Variants in FGF14 observed in about 807,000 individuals in gnomAD.
The protein encoded by FGF14 is fibroblast growth factor 14.
In FGF14, 5 loss-of-function variants were observed where a neutral mutation model predicts 25.5. That is an observed-to-expected ratio of 0.20 (90% confidence interval 0.10 to 0.41). The LOEUF is 0.41. Among genes scored for constraint, FGF14 ranks in the 10% least tolerant of loss-of-function variants. FGF14 has a pLI of 1.00. For missense variants in FGF14, 222 were observed against 320.1 expected, an observed-to-expected ratio of 0.69 and a Z score of 2.34; for synonymous variants, 138 against 118.3, an observed-to-expected ratio of 1.17 and a Z score of -1.08.
intron 3 of FGF14, among the ~76,000 whole-genome samples, chr13:101,849,682 T>TA (rs1208022055): frequency 2.0e-5 from 3 of 152,102 alleles, no homozygotes; most frequent in Non-Finnish European, 4.4e-5. Flanking sequence ...GAGAGAGAGA[T>TA]ACATGGCTGA....
chr13:102,271,535 C>A (rs2053245989), intron 1 of FGF14, among the ~76,000 whole-genome samples: 1 of 152,134 alleles, frequency 6.6e-6, no homozygotes, highest in Non-Finnish European at 1.5e-5. Flanking sequence ...CCCACGAATT[C>A]TTTTGGAAAG....
intron 1 of FGF14, among the ~76,000 whole-genome samples, chr13:102,398,980 T>G (rs2058642135): frequency 6.6e-6 from 1 of 151,578 alleles, no homozygotes; most frequent in African/African-American, 2.4e-5. Flanking sequence ...CCTATTAGAA[T>G]AGTTGGTAAT....
At chr13:102,122,895 A>C (rs1395917285) in intron 1 of FGF14, among the ~76,000 whole-genome samples, 1 of 152,202 alleles carries the variant, frequency 6.6e-6, no homozygotes, top group Non-Finnish European at 1.5e-5. Flanking sequence ...GAAAGTGTAA[A>C]AAAATTGCTC....
intron 1 of FGF14, among the ~76,000 whole-genome samples, chr13:102,093,234 A>G (rs1316368369): frequency 6.6e-6 from 1 of 152,236 alleles, no homozygotes; most frequent in Non-Finnish European, 1.5e-5. Context: ...CATAAAATAT[A>G]TGTCAATACA....
At chr13:102,040,933 TA>T (rs1037866194) in intron 1 of FGF14, among the ~76,000 whole-genome samples, 1 of 152,060 alleles carries the variant, frequency 6.6e-6, no homozygotes, top group Non-Finnish European at 1.5e-5. Context: ...TTCTTGGTAG[TA>T]AAAAATCGCT....
chr13:101,833,120 C>A (rs1253620629), intron 3 of FGF14, among the ~76,000 whole-genome samples: 1 of 151,974 alleles, frequency 6.6e-6, no homozygotes, highest in Non-Finnish European at 1.5e-5. Flanking sequence ...TCATGTCAGG[C>A]CAGGGTGGGT....
intron 1 of FGF14, among the ~76,000 whole-genome samples, chr13:102,052,287 T>C (rs539612394): frequency 1.4e-4 from 21 of 152,150 alleles, no homozygotes; most frequent in African/African-American, 4.3e-4. Flanking sequence ...GTTTGAGTCC[T>C]GGCAGTTAAG....
chr13:102,376,621 T>G (rs1374352491), intron 1 of FGF14, among the ~76,000 whole-genome samples: 1 of 152,124 alleles, frequency 6.6e-6, no homozygotes, highest in South Asian at 2.1e-4. Flanking sequence ...CTTTCACCCA[T>G]TGCCTCTCCT....
At chr13:102,338,587 A>C (rs185607737) in intron 1 of FGF14, among the ~76,000 whole-genome samples, 5 of 152,374 alleles carry the variant, frequency 3.3e-5, no homozygotes, top group African/African-American at 1.2e-4. Context: ...CCAATTTAAA[A>C]TAGAGAATAA....
intron 1 of FGF14, among the ~76,000 whole-genome samples, chr13:102,131,680 A>C (rs2046202378): frequency 6.6e-6 from 1 of 152,226 alleles, no homozygotes; most frequent in Admixed American, 6.5e-5. Flanking sequence ...TATAGTATTT[A>C]ATGCCACGGA....
At chr13:102,129,648 G>A (rs968453892) in intron 1 of FGF14, among the ~76,000 whole-genome samples, 2 of 151,884 alleles carry the variant, frequency 1.3e-5, no homozygotes, top group Non-Finnish European at 2.9e-5. Flanking sequence ...TACTGATAAT[G>A]CACACAGGAA....
At chr13:101,758,718 G>T (rs917106791) in intron 3 of FGF14, among the ~76,000 whole-genome samples, 1 of 152,124 alleles carries the variant, frequency 6.6e-6, no homozygotes, top group Non-Finnish European at 1.5e-5. Flanking sequence ...GTCCATGAAA[G>T]GATGTAACAT....
At chr13:101,898,844 G>A (rs1188137545) in intron 1 of FGF14, among the ~76,000 whole-genome samples, 1 of 152,172 alleles carries the variant, frequency 6.6e-6, no homozygotes, top group African/African-American at 2.4e-5. Flanking sequence ...GCAACCAGGA[G>A]TTAAGGGGCC....
intron 3 of FGF14, among the ~76,000 whole-genome samples, chr13:101,786,786 C>T (rs2039856266): frequency 6.6e-6 from 1 of 152,084 alleles, no homozygotes; most frequent in Non-Finnish European, 1.5e-5. Context: ...TTTCTTTTTC[C>T]AGATCATCTG....
In FGF14 at chr13:101,772,002, A is replaced by T. The variant is rs1439938162; in HGVS notation, c.409-45192T>A. ...TTTCAATAAAATACATAAGTAATAT[A>T]TTCAAATACAACAGCCATTCACATT... On this transcript the variant is annotated intron_variant, in intron 3 of 4. Coordinates refer to ENST00000376143, the MANE Select transcript of FGF14 (RefSeq NM_004115.4). 2.0e-5 allele frequency among the ~76,000 whole-genome samples: 3 copies of T among 152,076 alleles called. No individual in the cohort carries two copies. The East Asian group carries it at 5.8e-4, about 29-fold the overall frequency.
chr13:102,348,476 G>A (rs192133821), intron 1 of FGF14, among the ~76,000 whole-genome samples: 15 of 152,284 alleles, frequency 9.9e-5, no homozygotes, highest in African/African-American at 3.4e-4. Flanking sequence ...GACAATTAAG[G>A]ACTACAGGAA....
intron 1 of FGF14, among the ~76,000 whole-genome samples, chr13:102,124,842 A>C (rs1566717139): frequency 1.3e-5 from 2 of 152,172 alleles, no homozygotes; most frequent in African/African-American, 4.8e-5. Context: ...TTTTAGGAAC[A>C]AAAGCTTATG....
intron 1 of FGF14, among the ~76,000 whole-genome samples, chr13:101,881,501 C>G (rs2045709416): frequency 6.6e-6 from 1 of 152,178 alleles, no homozygotes; most frequent in South Asian, 2.1e-4. Flanking sequence ...TACATATTTT[C>G]CAAATTAAAT....
intron 1 of FGF14, among the ~76,000 whole-genome samples, chr13:101,990,225 G>T (rs1488037841): frequency 6.6e-6 from 1 of 152,044 alleles, no homozygotes; most frequent in Non-Finnish European, 1.5e-5. Context: ...GGCAGACATG[G>T]TTCATCAGTT....
Sources: allele counts gnomAD v4.1 joint callset (sites outside exome capture counted in the v4.1 genomes callset), GRCh38; gene constraint gnomAD v4.1.1; transcripts MANE v1.5; gene names NCBI Gene and HGNC (gene_info 2026-07-23, HGNC 2026-07-21).